The following STRAP variants were observed in gnomAD, a reference collection of about 807,000 sequenced individuals.
STRAP encodes the protein serine/threonine kinase receptor associated protein, also known as serine-threonine kinase receptor-associated protein.
STRAP carries 16 observed loss-of-function variants against 47.0 expected under a neutral mutation model. The observed-to-expected ratio is 0.34, with a 90% CI of 0.23 to 0.52. STRAP has a LOEUF of 0.52. Ranked by LOEUF, STRAP falls within the 20% of genes least tolerant of loss-of-function variation. STRAP has a pLI of 0.96. For missense variants in STRAP, 293 were observed against 420.0 expected, an observed-to-expected ratio of 0.70 and a Z score of 2.64; for synonymous variants, 130 against 142.7, an observed-to-expected ratio of 0.91 and a Z score of 0.63.
At chr12:15,884,237 A>G (rs1195620435) in intron 2 of STRAP, among the ~76,000 whole-genome samples, 1 of 152,102 alleles carries the variant, frequency 6.6e-6, no homozygotes, top group African/African-American at 2.4e-5. Context: ...ATGTCTCCTG[A>G]CTCCAATGTT....
At position 15,882,606 on chromosome 12, in the gene STRAP, T is replaced by A; in HGVS notation, c.-102T>A. On this transcript the variant is annotated 5_prime_UTR_variant, in exon 1 of 10. Coordinates refer to ENST00000419869, the MANE Select transcript of STRAP (RefSeq NM_007178.4). ...CCTGTTGCCCAGCCCAGCCCTAGTG[T>A]CAGGGCGGGGGCCTGGAGCAGCCCG... is the stretch of plus-strand genomic sequence containing the variant. 1 of 975,076 alleles carries A rather than the reference T, an allele frequency of 1.0e-6. No homozygotes were observed. Among genetic ancestry groups the A allele is most frequent in the East Asian group, 2.6e-5 (1 of 38,326 alleles). The allele number at this position is 975,076 out of a possible 1,614,324, so 60.4% of individuals were successfully genotyped here. A position where few individuals can be genotyped will look rare whatever the true frequency, so the allele number is the denominator to read the frequency against.
chr12:15,897,435 C>T (rs1014301733), intron 6 of STRAP, among the ~76,000 whole-genome samples: 4 of 152,062 alleles, frequency 2.6e-5, no homozygotes, highest in African/African-American at 4.8e-5. Flanking sequence ...GGAGCTTAAA[C>T]CTTCAGCAAT....
chr12:15,890,166 CTA>C lies in STRAP; in HGVS notation c.330+159_330+160del, dbSNP rs57924903. On this transcript the variant is annotated intron_variant, in intron 3 of 9. Coordinates refer to ENST00000419869, the MANE Select transcript of STRAP (RefSeq NM_007178.4). The surrounding 1 kb of genome is among the most constrained non-coding windows in gnomAD (Gnocchi z 4.5). ...ATTTGATTTGATTGTGTATTAAGCT[CTA>C]TGAATTTGTTTCATAGTTAATCCTG... Among the ~76,000 whole-genome samples the C allele has an allele frequency of 0.067, 10,126 of 152,184 alleles. 1,078 individuals carry two copies. Among genetic ancestry groups the C allele is most frequent in the African/African-American group, 0.22 (9,308 of 41,462 alleles).
chr12:15,903,141 C>A lies in STRAP; in HGVS notation c.*163C>A. Reference sequence around the variant, plus strand: ...GGAACAACTAACTAACTTGGTGTTACCTGTAAGTGAAAACTCAAGTGTCAG... The same window carrying A: ...GGAACAACTAACTAACTTGGTGTTAACTGTAAGTGAAAACTCAAGTGTCAG... On this transcript the variant is annotated 3_prime_UTR_variant, in exon 10 of 10. Transcript: ENST00000419869. 1.5e-6 allele frequency: 1 copy of A among 670,432 alleles called. No individual in the cohort carries two copies. Among genetic ancestry groups the A allele is most frequent in the Non-Finnish European group, 2.2e-6 (1 of 450,990 alleles). The allele number at this position is 670,432 out of a possible 1,614,324, so 41.5% of individuals were successfully genotyped here.
intron 8 of STRAP, 97 bp downstream of exon 8, chr12:15,900,150 AAT>A: frequency 7.9e-7 from 1 of 1,261,202 alleles, no homozygotes; most frequent in Non-Finnish European, 1.1e-6. Flanking sequence ...GTTTTCTATA[AAT>A]TTTAAATTAT....
chr12:15,892,983 C>T (rs1279485571), intron 4 of STRAP, among the ~76,000 whole-genome samples: 1 of 152,164 alleles, frequency 6.6e-6, no homozygotes, highest in Admixed American at 6.5e-5. Context: ...CTGTTAAGCC[C>T]TATTCGCATT....
intron 4 of STRAP, among the ~76,000 whole-genome samples, chr12:15,892,737 C>A (rs936697661): frequency 2.0e-5 from 3 of 152,050 alleles, no homozygotes; most frequent in African/African-American, 7.2e-5. Flanking sequence ...GTTTTTTTCT[C>A]CTTTCTTTTT....
At chr12:15,901,931 A>G (rs567190595) in intron 9 of STRAP, among the ~76,000 whole-genome samples, 1 of 151,708 alleles carries the variant, frequency 6.6e-6, no homozygotes, top group South Asian at 2.1e-4. Context: ...AACAAGAGTG[A>G]ACATAAACCA....
At position 15,894,682 on chromosome 12, in the gene STRAP, T is replaced by C. The variant is rs1948046006; in HGVS notation, c.500+539T>C. On this transcript the variant is annotated intron_variant, in intron 5 of 9. Coordinates refer to ENST00000419869, the MANE Select transcript of STRAP (RefSeq NM_007178.4). The surrounding 1 kb of genome is among the most constrained non-coding windows in gnomAD (Gnocchi z 4.9). Reference sequence around the variant, plus strand: ...TCTGAGACTTTGAGTGCCGACTTGATGCTTAAAGGAAATGCTCATTGGAGC... The same window carrying C: ...TCTGAGACTTTGAGTGCCGACTTGACGCTTAAAGGAAATGCTCATTGGAGC... 6.6e-6 allele frequency among the ~76,000 whole-genome samples: 1 copy of C among 152,204 alleles called. No individual in the cohort carries two copies. Among genetic ancestry groups the C allele is most frequent in the African/African-American group, 2.4e-5 (1 of 41,462 alleles).
chr12:15,885,837 G>A (rs1397537715), intron 2 of STRAP, among the ~76,000 whole-genome samples: 1 of 151,994 alleles, frequency 6.6e-6, no homozygotes, highest in Non-Finnish European at 1.5e-5. Context: ...TATTAAATAA[G>A]TTAATATGTT....
intron 2 of STRAP, 62 bp from the exon 3 acceptor site, chr12:15,889,866 A>G (rs189921303): frequency 4.5e-6 from 6 of 1,335,306 alleles, no homozygotes; most frequent in Non-Finnish European, 6.4e-6. Context: ...TTATAATTGT[A>G]TTTATCCTTT....
chr12:15,889,833 A>G, intron 2 of STRAP, 95 bp from the exon 3 acceptor site: 1 of 915,252 alleles, frequency 1.1e-6, no homozygotes. Flanking sequence ...TCACATATCT[A>G]ACTTATTTGG....
Position 15,894,191 on chromosome 12 carries a change from G to T in STRAP, c.500+48G>T, listed in dbSNP as rs1188925798. ...TTTACAATTTAAGGCCGGGCATGGT[G>T]GCTCACGCCTATAATCTCAGCACTT... On this transcript the variant is annotated intron_variant, in intron 5 of 9. Coordinates refer to ENST00000419869, the MANE Select transcript of STRAP (RefSeq NM_007178.4). This position sits in a 1 kb window ranked among gnomAD's most constrained non-coding sequence, Gnocchi z 4.9. 2 of 1,472,696 alleles carry T rather than the reference G, an allele frequency of 1.4e-6. No homozygotes were observed. Among genetic ancestry groups the T allele is most frequent in the East Asian group, 2.3e-5 (1 of 43,888 alleles). The allele number at this position is 1,472,696 out of a possible 1,614,324, so 91.2% of individuals were successfully genotyped here.
At chr12:15,897,740 G>C (rs961049077) in intron 6 of STRAP, 142 bp from the exon 7 acceptor site, 2 of 401,012 alleles carry the variant, frequency 5.0e-6, no homozygotes, top group Non-Finnish European at 4.1e-6. Context: ...TTTGCTAACA[G>C]CTTTTTTTAC....
At chr12:15,883,886 A>G (rs1565572332) in intron 2 of STRAP, among the ~76,000 whole-genome samples, 1 of 152,216 alleles carries the variant, frequency 6.6e-6, no homozygotes, top group African/African-American at 2.4e-5. Context: ...CAGAGGCCTA[A>G]ATGACTTATT....
In STRAP at chr12:15,887,380, G is replaced by C. The variant is rs1947980532; in HGVS notation, c.249-2548G>C. Among the ~76,000 whole-genome samples, 1 of 152,150 alleles carries C rather than the reference G, an allele frequency of 6.6e-6. No homozygotes were observed. The highest frequency in any genetic ancestry group is 2.1e-4 in the South Asian group (1 of 4,826). ...CTTCGTGGGATGTGAAGAAAATGTT[G>C]GAGGGTTAGCTGCTGAAAGGGTATT... On this transcript the variant is annotated intron_variant, in intron 2 of 9. Transcript: ENST00000419869. This position sits in a 1 kb window ranked among gnomAD's most constrained non-coding sequence, Gnocchi z 5.5.
chr12:15,894,467 CAAACTT>C lies in STRAP; in HGVS notation c.500+328_500+333del, dbSNP rs1198955781. Among the ~76,000 whole-genome samples, 1 of 152,132 alleles carries C rather than the reference CAAACTT, an allele frequency of 6.6e-6. No homozygotes were observed. Among genetic ancestry groups the C allele is most frequent in the Non-Finnish European group, 1.5e-5 (1 of 67,996 alleles). ...GAGCTAGACTGTCTCAAAAGAAAAACAAACTTAAAATTTGCAAAATATTTTACCTTA... is the reference window on the plus strand; with the variant it reads ...GAGCTAGACTGTCTCAAAAGAAAAACAAAATTTGCAAAATATTTTACCTTA... On this transcript the variant is annotated intron_variant, in intron 5 of 9. Coordinates refer to ENST00000419869, the MANE Select transcript of STRAP (RefSeq NM_007178.4). The surrounding 1 kb of genome is among the most constrained non-coding windows in gnomAD (Gnocchi z 4.9).
intron 1 of STRAP, chr12:15,883,079 G>A: frequency 2.0e-6 from 3 of 1,535,610 alleles, no homozygotes; most frequent in Non-Finnish European, 2.6e-6. Flanking sequence ...TGCTATTTTT[G>A]AAGGAGCTGG....
At chr12:15,902,495 T>C (rs1184976535) in intron 9 of STRAP, among the ~76,000 whole-genome samples, 1 of 152,236 alleles carries the variant, frequency 6.6e-6, no homozygotes. Context: ...AATTTTTTAT[T>C]GTTAAGCACC....
Sources: gnomAD v4.1 joint callset for allele counts (sites outside exome capture counted in the v4.1 genomes callset) on GRCh38, gnomAD v4.1.1 for gene constraint, Gnocchi (gnomAD v3.1) non-coding constraint, MANE v1.5 for transcripts, NCBI Gene and HGNC (gene_info 2026-07-23, HGNC 2026-07-21) for gene names.